The following ADGRL3 variants were observed in gnomAD, a reference collection of about 807,000 sequenced individuals.
The protein encoded by ADGRL3 is calcium-independent alpha-latrotoxin receptor 3.
A neutral mutation model predicts 153.5 loss-of-function variants in ADGRL3; 62 were observed. The observed-to-expected ratio is 0.40, with a 90% confidence interval of 0.33 to 0.50. The LOEUF is 0.50. ADGRL3 is among the 20% of genes least tolerant of loss of function. The probability of loss-of-function intolerance (pLI) is 0.47; values close to 1 mark genes in which losing one functional copy is unlikely to be tolerated. For missense variants in ADGRL3, 1,641 were observed against 1,859.4 expected, an observed-to-expected ratio of 0.88 and a Z score of 2.16; for synonymous variants, 710 against 672.5, an observed-to-expected ratio of 1.06 and a Z score of -0.86.
intron 1 of ADGRL3, among the ~76,000 whole-genome samples, chr4:61,377,126 A>G (rs1194540955): frequency 6.6e-6 from 1 of 151,930 alleles, no homozygotes; most frequent in African/African-American, 2.4e-5. Context: ...TTTTGCCTTT[A>G]CCTTCCCTAT....
At chr4:61,746,140 TCAA>T (rs1389592753) in intron 8 of ADGRL3, among the ~76,000 whole-genome samples, 1 of 151,976 alleles carries the variant, frequency 6.6e-6, no homozygotes, top group Admixed American at 6.6e-5. Context: ...AGAGATCAAT[TCAA>T]CAAGAAGAGC....
chr4:61,953,936 G>C (rs1477556302), intron 17 of ADGRL3, among the ~76,000 whole-genome samples: 1 of 152,060 alleles, frequency 6.6e-6, no homozygotes, highest in Non-Finnish European at 1.5e-5. Flanking sequence ...ATATTTTACT[G>C]TTTTCTCCTC....
chr4:61,886,696 C>T lies in ADGRL3; in HGVS notation c.1481-5960C>T, dbSNP rs1266291918. Among the ~76,000 whole-genome samples, 13 of 152,146 alleles carry T rather than the reference C, an allele frequency of 8.5e-5. No homozygotes were observed. The East Asian group carries it at 1.9e-3, about 23-fold the overall frequency. On this transcript the variant is annotated intron_variant, in intron 9 of 26. Transcript: ENST00000683033. ...TCACTCTGTCGCCCAGGCTGTAGTGCAGTGGGGCAACCTGGGTTCACTTCA... is the reference window on the plus strand; with the variant it reads ...TCACTCTGTCGCCCAGGCTGTAGTGTAGTGGGGCAACCTGGGTTCACTTCA...
intron 8 of ADGRL3, among the ~76,000 whole-genome samples, chr4:61,791,257 A>G (rs1052745420): frequency 6.6e-6 from 1 of 152,214 alleles, no homozygotes; most frequent in African/African-American, 2.4e-5. Context: ...CCTAGATACA[A>G]TGGGGTACAG....
intron 1 of ADGRL3, among the ~76,000 whole-genome samples, chr4:61,264,804 G>T (rs1299768366): frequency 6.6e-6 from 1 of 151,936 alleles, no homozygotes; most frequent in Non-Finnish European, 1.5e-5. Context: ...GAGGGAAAAA[G>T]AGATGCATTG....
intron 5 of ADGRL3, among the ~76,000 whole-genome samples, chr4:61,608,183 G>C (rs559382673): frequency 6.6e-6 from 1 of 152,302 alleles, no homozygotes; most frequent in East Asian, 1.9e-4. Context: ...CCTCCTACCA[G>C]CTTCCCACAT....
rs752453070 is a variant in ADGRL3, at chr4:61,724,040, TG to T, written c.584-6581del. On this transcript the variant is annotated intron_variant, in intron 6 of 26. Transcript: ENST00000683033. ...TCTCTATTCACATCTGTAAGTGTGTTGAGCATAACAGGAGCTCCACAGATGA... is the reference window on the plus strand; with the variant it reads ...TCTCTATTCACATCTGTAAGTGTGTTAGCATAACAGGAGCTCCACAGATGA... 2.0e-5 allele frequency among the ~76,000 whole-genome samples: 3 copies of T among 152,296 alleles called. 1 individual carries two copies. In the South Asian group the frequency reaches 6.2e-4, roughly 32 times the overall value.
intron 9 of ADGRL3, among the ~76,000 whole-genome samples, chr4:61,859,515 A>T (rs907452862): frequency 6.6e-6 from 1 of 152,252 alleles, no homozygotes; most frequent in East Asian, 1.9e-4. Context: ...TAAAGCTCCT[A>T]ATCATTAGGT....
At chr4:61,570,317 A>G (rs567918399) in intron 4 of ADGRL3, among the ~76,000 whole-genome samples, 1 of 152,266 alleles carries the variant, frequency 6.6e-6, no homozygotes, top group East Asian at 1.9e-4. Flanking sequence ...AACAAAATTC[A>G]TAGTAATTTC....
At chr4:61,699,492 T>A (rs2095708530) in intron 6 of ADGRL3, among the ~76,000 whole-genome samples, 1 of 152,116 alleles carries the variant, frequency 6.6e-6, no homozygotes, top group African/African-American at 2.4e-5. Context: ...GCTCAGATCT[T>A]GTGGGGCCTT....
At chr4:61,455,063 C>A (rs1306138287) in intron 2 of ADGRL3, among the ~76,000 whole-genome samples, 1 of 152,126 alleles carries the variant, frequency 6.6e-6, no homozygotes, top group African/African-American at 2.4e-5. Flanking sequence ...ATTTTATACT[C>A]GAACTAAGTT....
intron 1 of ADGRL3, among the ~76,000 whole-genome samples, chr4:61,334,074 G>A (rs531443327): frequency 7.3e-5 from 11 of 151,350 alleles, no homozygotes; most frequent in African/African-American, 2.4e-4. Flanking sequence ...GCACCACTAC[G>A]CTTGGGTAAT....
chr4:61,291,181 C>CAT (rs2094166710), intron 1 of ADGRL3, among the ~76,000 whole-genome samples: 1 of 49,574 alleles, frequency 2.0e-5, no homozygotes, highest in Admixed American at 2.8e-4. Context: ...TCAATACACA[C>CAT]ACACACACAC....
intron 4 of ADGRL3, among the ~76,000 whole-genome samples, chr4:61,559,856 A>G (rs923385542): frequency 2.6e-5 from 4 of 152,070 alleles, no homozygotes; most frequent in African/African-American, 9.7e-5. Context: ...TTTATCAAAT[A>G]AAAAATTAAC....
intron 1 of ADGRL3, among the ~76,000 whole-genome samples, chr4:61,380,698 A>C (rs577509320): frequency 6.6e-6 from 1 of 152,134 alleles, no homozygotes; most frequent in African/African-American, 2.4e-5. Flanking sequence ...ATGGAACTAT[A>C]AAGTAATGAA....
chr4:61,474,200 T>G (rs528159197), intron 2 of ADGRL3, among the ~76,000 whole-genome samples: 1 of 152,178 alleles, frequency 6.6e-6, no homozygotes, highest in Non-Finnish European at 1.5e-5. Flanking sequence ...TTGAGCAAAA[T>G]TCCTCTGAAA....
At chr4:61,376,606 C>G (rs1449154567) in intron 1 of ADGRL3, among the ~76,000 whole-genome samples, 1 of 152,052 alleles carries the variant, frequency 6.6e-6, no homozygotes, top group East Asian at 1.9e-4. Context: ...ATGGAATTTC[C>G]ATTTTGTACT....
At chr4:61,436,660 C>A (rs540501513) in intron 2 of ADGRL3, among the ~76,000 whole-genome samples, 2 of 152,196 alleles carry the variant, frequency 1.3e-5, no homozygotes, top group East Asian at 3.9e-4. Context: ...GCAGTGAGAA[C>A]ATGTTCAAAG....
At chr4:61,482,196 A>T (rs2098138302) in intron 2 of ADGRL3, among the ~76,000 whole-genome samples, 1 of 152,240 alleles carries the variant, frequency 6.6e-6, no homozygotes, top group Non-Finnish European at 1.5e-5. Flanking sequence ...CTCTCAAAAA[A>T]TTGGCACATG....
Sources: gnomAD v4.1 joint callset for allele counts (sites outside exome capture counted in the v4.1 genomes callset) on GRCh38, gnomAD v4.1.1 for gene constraint, MANE v1.5 for transcripts, NCBI Gene and HGNC (gene_info 2026-07-23, HGNC 2026-07-21) for gene names.